The following KCNU1 variants were observed in gnomAD, a reference collection of about 807,000 sequenced individuals.
KCNU1 encodes the protein potassium channel subfamily U member 1.
KCNU1 carries 93 observed loss-of-function variants against 126.8 expected under a neutral mutation model. The observed-to-expected ratio is 0.73, with a 90% CI of 0.62 to 0.87. KCNU1 has a LOEUF of 0.87. Ranked by LOEUF, KCNU1 falls within the 40% of genes least tolerant of loss-of-function variation. KCNU1 has a pLI of 0.00. For missense variants in KCNU1, 1,330 were observed against 1,367.1 expected, an observed-to-expected ratio of 0.97 and a Z score of 0.43; for synonymous variants, 523 against 494.2, an observed-to-expected ratio of 1.06 and a Z score of -0.77.
chr8:36,838,471 A>T (rs1804833875), intron 14 of KCNU1, among the ~76,000 whole-genome samples: 1 of 152,148 alleles, frequency 6.6e-6, no homozygotes, highest in African/African-American at 2.4e-5. Flanking sequence ...TTGGTGGGTC[A>T]CTCGAGCTCA....
chr8:36,835,053 A>G (rs1804696259), intron 12 of KCNU1, among the ~76,000 whole-genome samples, 185 bp downstream of exon 12: 1 of 152,198 alleles, frequency 6.6e-6, no homozygotes, highest in African/African-American at 2.4e-5. Context: ...CAAAAGGATA[A>G]AAACGGAGCA....
chr8:36,935,407 A>G lies in KCNU1; in HGVS notation c.3045-108A>G, dbSNP rs1808821147. On this transcript the variant is annotated intron_variant, in intron 26 of 26. Transcript: ENST00000399881. ...ACCCATGAAGCAAAACAAAACAAAA[A>G]CGTTTCCTCTTTGGGCCCAGCAAAA... 11 of 818,706 alleles carry G rather than the reference A, an allele frequency of 1.3e-5. No individual in the cohort carries two copies. In the South Asian group the frequency reaches 1.9e-4, roughly 14 times the overall value. The allele number at this position is 818,706 out of a possible 1,614,324, so 50.7% of individuals were successfully genotyped here. A position where few individuals can be genotyped will look rare whatever the true frequency, so the allele number is the denominator to read the frequency against.
intron 2 of KCNU1, among the ~76,000 whole-genome samples, chr8:36,792,754 A>G (rs1468865352): frequency 6.6e-6 from 1 of 152,212 alleles, no homozygotes; most frequent in African/African-American, 2.4e-5. Context: ...ATGTGTTAAC[A>G]TTATAATCAT....
At chr8:36,850,695 G>A (rs771429883) in intron 18 of KCNU1, among the ~76,000 whole-genome samples, 2 of 152,126 alleles carry the variant, frequency 1.3e-5, no homozygotes, top group Non-Finnish European at 2.9e-5. Flanking sequence ...AGGCTTAAGT[G>A]AGCCACCTGC....
intron 18 of KCNU1, among the ~76,000 whole-genome samples, chr8:36,862,878 A>G (rs1585477402): frequency 6.6e-6 from 1 of 152,098 alleles, no homozygotes; most frequent in Non-Finnish European, 1.5e-5. Context: ...TTCCATCACA[A>G]CCAGCCAGCC....
chr8:36,920,731 C>T (rs558200765), intron 23 of KCNU1, among the ~76,000 whole-genome samples: 7 of 152,178 alleles, frequency 4.6e-5, no homozygotes, highest in South Asian at 4.2e-4. Context: ...TGTGCGTGCG[C>T]GCACGTGCGC....
At chr8:36,905,358 G>A (rs1807581234) in intron 19 of KCNU1, among the ~76,000 whole-genome samples, 1 of 151,660 alleles carries the variant, frequency 6.6e-6, no homozygotes, top group African/African-American at 2.4e-5. Context: ...ATATTCAGGT[G>A]CCCAAAACAC....
chr8:36,882,153 G>A (rs1472081335), intron 19 of KCNU1, among the ~76,000 whole-genome samples: 1 of 152,090 alleles, frequency 6.6e-6, no homozygotes, highest in Non-Finnish European at 1.5e-5. Context: ...ATTTCCGAAA[G>A]CACCTTTCAT....
At chr8:36,934,928 G>T (rs1314685976) in intron 26 of KCNU1, among the ~76,000 whole-genome samples, 2 of 152,092 alleles carry the variant, frequency 1.3e-5, no homozygotes, top group African/African-American at 4.8e-5. Context: ...GCCAGTCAGG[G>T]TTTCAAATGA....
intron 19 of KCNU1, among the ~76,000 whole-genome samples, chr8:36,893,556 C>T (rs2117455657): frequency 1.3e-5 from 2 of 152,020 alleles, no homozygotes; most frequent in Middle Eastern, 6.8e-3. Context: ...TATTTTTTCT[C>T]TCTGGTGGCT....
At chr8:36,796,795 T>A (rs1027432648) in intron 2 of KCNU1, among the ~76,000 whole-genome samples, 1 of 152,214 alleles carries the variant, frequency 6.6e-6, no homozygotes, top group Non-Finnish European at 1.5e-5. Flanking sequence ...AAGTGTCATA[T>A]AGCTGGATTT....
At chr8:36,880,831 G>C (rs1373257957) in intron 19 of KCNU1, among the ~76,000 whole-genome samples, 1 of 152,122 alleles carries the variant, frequency 6.6e-6, no homozygotes, top group Admixed American at 6.5e-5. Context: ...CTAAAAAGCT[G>C]AGAAAATAAA....
chr8:36,858,395 G>A (rs1329724808), intron 18 of KCNU1, among the ~76,000 whole-genome samples: 2 of 151,932 alleles, frequency 1.3e-5, no homozygotes, highest in Non-Finnish European at 2.9e-5. Flanking sequence ...TGAAGCAATG[G>A]ATGAGTCTGA....
In KCNU1 at chr8:36,909,525, A is replaced by G. The variant is rs1378025851; in HGVS notation, c.2321A>G (p.Tyr774Cys). 6.4e-7 allele frequency: 1 copy of G among 1,574,252 alleles called. No individual in the cohort carries two copies. The highest frequency in any genetic ancestry group is 1.7e-5 in the Admixed American group (1 of 59,908). ...WRFLWNFPQI[Y>C]ILPGCALYSG... ...TTTCTCTGGAATTTTCCCCAGATAT[A>G]CATTCTGCCTGTAAGTATCATATAA... Residue 774 changes from tyrosine to cysteine, a missense_variant, in exon 21 of 27, where the codon TAC becomes TGC. Around this residue, in one of 3 missense-constraint regions of KCNU1, gnomAD observed 1,054 missense variants for 1,053.9 expected, o/e 1.00. Transcript: ENST00000399881.
chr8:36,841,580 C>T (rs1404094675), intron 16 of KCNU1, among the ~76,000 whole-genome samples: 3 of 152,064 alleles, frequency 2.0e-5, no homozygotes, highest in Admixed American at 6.6e-5. Flanking sequence ...CCTGCAATCC[C>T]GGCTACTTGG....
chr8:36,932,064 A>C (rs973692460), intron 25 of KCNU1, among the ~76,000 whole-genome samples: 6 of 152,112 alleles, frequency 3.9e-5, no homozygotes, highest in Admixed American at 3.9e-4. Context: ...GGACATTAGC[A>C]AAACCCCCAG....
intron 19 of KCNU1, among the ~76,000 whole-genome samples, chr8:36,875,573 G>A (rs1384181134): frequency 6.6e-6 from 1 of 151,706 alleles, no homozygotes; most frequent in African/African-American, 2.4e-5. Flanking sequence ...CAGTGATAGG[G>A]CTTTGTAATT....
intron 1 of KCNU1, 90 bp from the exon 2 acceptor site, chr8:36,787,216 C>T (rs1802737140): frequency 1.7e-6 from 2 of 1,162,960 alleles, no homozygotes; most frequent in Non-Finnish European, 1.2e-6. Context: ...TCGACTGATA[C>T]CATCACAAGA....
chr8:36,936,038 G>A lies in KCNU1; in HGVS notation c.*118G>A, dbSNP rs1314806020. The A allele has an allele frequency of 1.1e-6, 1 of 912,378 alleles. No homozygotes were observed. Among genetic ancestry groups the A allele is most frequent in the Non-Finnish European group, 1.6e-6 (1 of 617,310 alleles). 56.5% of individuals were successfully genotyped at this position (912,378 alleles called of 1,614,324 possible). ...ATGCCATTTTTCTGCCCATTGCTTA[G>A]TGGTTCATGAAGGCCACACTGTTTT... On this transcript the variant is annotated 3_prime_UTR_variant, in exon 27 of 27. Coordinates refer to ENST00000399881, the MANE Select transcript of KCNU1 (RefSeq NM_001031836.3).
Sources: gnomAD v4.1 joint callset for allele counts (sites outside exome capture counted in the v4.1 genomes callset) on GRCh38, gnomAD v4.1.1 for gene constraint, gnomAD v4.1.1 regional missense constraint, MANE v1.5 for transcripts, NCBI Gene and HGNC (gene_info 2026-07-23, HGNC 2026-07-21) for gene names.